Variants in ELMO1 observed in about 807,000 individuals in gnomAD.
ELMO1 encodes engulfment and cell motility 1, also known as engulfment and cell motility protein 1.
ELMO1 carries 26 observed loss-of-function variants against 98.9 expected under a neutral mutation model. The ratio of observed to expected loss-of-function variants is 0.26; its 90% CI spans 0.19 to 0.36. The LOEUF is 0.36. Among genes scored for constraint, ELMO1 ranks in the 10% least tolerant of loss-of-function variants. ELMO1 has a pLI of 1.00. For missense variants in ELMO1, 627 were observed against 935.2 expected (o/e 0.67, Z 4.30); for synonymous variants, 346 against 346.0 (o/e 1.00, Z 0.00).
chr7:36,946,895 A>T (rs1194448778), intron 16 of ELMO1, among the ~76,000 whole-genome samples: 1 of 152,198 alleles, frequency 6.6e-6, no homozygotes, highest in Non-Finnish European at 1.5e-5. Flanking sequence ...CCTTTCCTCT[A>T]TAGGCTCTTC....
At position 37,054,677 on chromosome 7, in the gene ELMO1, T is replaced by C. The variant is rs115207030; in HGVS notation, c.1301-41242A>G. Among the ~76,000 whole-genome samples the C allele has an allele frequency of 8.9e-3, 1,351 of 152,322 alleles. 20 individuals carry two copies. The highest frequency in any genetic ancestry group is 0.031 in the African/African-American group (1,279 of 41,564). ...TTATTCATACTACACTCAATGTATA[T>C]GAGAGATCTGTCTATTTCATGTAGT... On this transcript the variant is annotated intron_variant, in intron 15 of 21. Coordinates refer to ENST00000310758, the MANE Select transcript of ELMO1 (RefSeq NM_014800.11).
chr7:36,881,124 A>T (rs1462918678), intron 18 of ELMO1, among the ~76,000 whole-genome samples: 3 of 152,240 alleles, frequency 2.0e-5, no homozygotes, highest in African/African-American at 7.2e-5. Context: ...TCTTGGATGG[A>T]TGGCAAAATA....
At chr7:37,348,624 T>C (rs1377141353) in intron 1 of ELMO1, among the ~76,000 whole-genome samples, 1 of 152,096 alleles carries the variant, frequency 6.6e-6, no homozygotes, top group East Asian at 1.9e-4. Flanking sequence ...CTATAACCCG[T>C]GAACAAGCCC....
intron 18 of ELMO1, among the ~76,000 whole-genome samples, chr7:36,879,020 C>T (rs1471107328): frequency 2.0e-5 from 3 of 152,206 alleles, no homozygotes; most frequent in Admixed American, 6.5e-5. Context: ...TTCTTTGCAC[C>T]ACCAGTTTGG....
At chr7:37,153,615 C>T (rs934164594) in intron 13 of ELMO1, among the ~76,000 whole-genome samples, 7 of 151,956 alleles carry the variant, frequency 4.6e-5, no homozygotes, top group Non-Finnish European at 7.4e-5. Context: ...CTTGAGTAGG[C>T]GGTTCTATGT....
intron 1 of ELMO1, among the ~76,000 whole-genome samples, chr7:37,421,829 C>T (rs1804485990): frequency 6.6e-6 from 1 of 152,160 alleles, no homozygotes; most frequent in African/African-American, 2.4e-5. Flanking sequence ...AAGGGTTAAC[C>T]ATTTTCATTG....
rs563300005 is a variant in ELMO1 at position 37,097,312 on chromosome 7, C to T, written c.1192-585G>A. Among the ~76,000 whole-genome samples the T allele has an allele frequency of 2.8e-4, 42 of 152,164 alleles. 1 individual carries two copies. The highest frequency in any genetic ancestry group is 1.0e-3 in the African/African-American group (42 of 41,520). Reference sequence around the variant, plus strand: ...CAGCACTGCGGGAGGCCGAGGCGGGCGGATCATTGGAGGTCAGGAGTTGGA... The same window carrying T: ...CAGCACTGCGGGAGGCCGAGGCGGGTGGATCATTGGAGGTCAGGAGTTGGA... On this transcript the variant is annotated intron_variant, in intron 14 of 21. Transcript: ENST00000310758.
At chr7:37,204,193 G>A (rs1241829855) in intron 13 of ELMO1, 1 of 456,328 alleles carries the variant, frequency 2.2e-6, no homozygotes, top group Non-Finnish European at 4.4e-6. Context: ...GAATTGGTGG[G>A]TTCTTGGTCT....
intron 15 of ELMO1, among the ~76,000 whole-genome samples, chr7:37,047,105 A>G (rs1233770698): frequency 6.6e-6 from 1 of 152,232 alleles, no homozygotes; most frequent in African/African-American, 2.4e-5. Context: ...AAGGAGAAAG[A>G]GAAAGAGCTG....
intron 16 of ELMO1, among the ~76,000 whole-genome samples, chr7:36,902,421 C>T (rs1470534350): frequency 2.6e-5 from 4 of 152,188 alleles, no homozygotes; most frequent in Non-Finnish European, 5.9e-5. Flanking sequence ...AATTTAGAGC[C>T]AAAGCCAGTG....
At chr7:37,189,663 C>T (rs1459301335) in intron 13 of ELMO1, among the ~76,000 whole-genome samples, 1 of 151,970 alleles carries the variant, frequency 6.6e-6, no homozygotes, top group Non-Finnish European at 1.5e-5. Context: ...AATGATCTCC[C>T]AAAAGAATGA....
intron 13 of ELMO1, among the ~76,000 whole-genome samples, chr7:37,163,392 TGCA>T (rs1163103762): frequency 2.0e-5 from 3 of 152,034 alleles, no homozygotes; most frequent in Non-Finnish European, 4.4e-5. Flanking sequence ...GTGCACAATG[TGCA>T]GGTTAGTTAC....
intron 13 of ELMO1, among the ~76,000 whole-genome samples, chr7:37,197,728 A>G (rs1230674839): frequency 6.6e-6 from 1 of 152,196 alleles, no homozygotes; most frequent in Non-Finnish European, 1.5e-5. Context: ...CAGAATAACC[A>G]GCATGATTCT....
At chr7:37,216,180 C>T (rs1404404034) in intron 11 of ELMO1, among the ~76,000 whole-genome samples, 5 of 151,576 alleles carry the variant, frequency 3.3e-5, no homozygotes, top group Admixed American at 1.3e-4. Flanking sequence ...TGCATCGCAG[C>T]GAATGAGTGG....
At chr7:37,361,416 A>G (rs1197013708) in intron 1 of ELMO1, among the ~76,000 whole-genome samples, 2 of 152,198 alleles carry the variant, frequency 1.3e-5, no homozygotes, top group Non-Finnish European at 2.9e-5. Context: ...CCCTCTCCCT[A>G]TTTTTGTAGT....
At chr7:37,188,501 A>ATAATAAT (rs1554438184) in intron 13 of ELMO1, among the ~76,000 whole-genome samples, 1,340 of 125,928 alleles carry the variant, frequency 0.011, 49 homozygotes, top group Admixed American at 0.031. Context: ...AAAAAAAAAA[A>ATAATAAT]AATAATAATA....
At chr7:36,857,852 GA>G (rs1802325331) in intron 21 of ELMO1, among the ~76,000 whole-genome samples, 1 of 152,112 alleles carries the variant, frequency 6.6e-6, no homozygotes, top group South Asian at 2.1e-4. Context: ...GCTTCACAGA[GA>G]AAAGGCAGGA....
chr7:37,040,896 G>T (rs538063053), intron 15 of ELMO1, among the ~76,000 whole-genome samples: 38 of 152,110 alleles, frequency 2.5e-4, no homozygotes, highest in African/African-American at 8.9e-4. Context: ...TCCAACAAAG[G>T]CAAAACCCCG....
chr7:37,363,483 G>A (rs780775687), intron 1 of ELMO1, among the ~76,000 whole-genome samples: 5 of 151,970 alleles, frequency 3.3e-5, no homozygotes, highest in East Asian at 1.9e-4. Flanking sequence ...CTCATCCCGC[G>A]CATCCATCCA....
Sources: gnomAD v4.1 joint callset for allele counts (sites outside exome capture counted in the v4.1 genomes callset) on GRCh38, gnomAD v4.1.1 for gene constraint, MANE v1.5 for transcripts, NCBI Gene and HGNC (gene_info 2026-07-23, HGNC 2026-07-21) for gene names.